Variants in TIAM2 observed in about 807,000 individuals in gnomAD.
TIAM2 encodes TIAM Rac1 associated GEF 2, also known as rho guanine nucleotide exchange factor TIAM2.
In TIAM2, 80 loss-of-function variants were observed where a neutral mutation model predicts 152.9. The ratio of observed to expected loss-of-function variants is 0.52; its 90% CI spans 0.44 to 0.63. The LOEUF (loss-of-function observed/expected upper bound fraction) is 0.63, where lower values mean the gene tolerates loss of function less well. Among genes scored for constraint, TIAM2 ranks in the 30% least tolerant of loss-of-function variants. TIAM2 has a pLI of 0.00. For missense variants in TIAM2, 1,965 were observed against 2,120.1 expected, an observed-to-expected ratio of 0.93 and a Z score of 1.44; for synonymous variants, 804 against 838.0, an observed-to-expected ratio of 0.96 and a Z score of 0.70.
At chr6:155,019,870 A>G (rs566319363) in intron 1 of TIAM2, among the ~76,000 whole-genome samples, 1 of 152,262 alleles carries the variant, frequency 6.6e-6, no homozygotes. Flanking sequence ...CTGGCCAACA[A>G]GGTAAAACCC....
rs750617540 is a variant in TIAM2, at chr6:155,247,996, G to A, written c.3653-4G>A. The A allele has an allele frequency of 3.1e-6, 5 of 1,613,218 alleles. No homozygotes were observed. The South Asian group carries it at 3.3e-5, about 11-fold the overall frequency. On this transcript the variant is annotated splice_region_variant and splice_polypyrimidine_tract_variant and intron_variant, in intron 19 of 26. Coordinates refer to ENST00000682666, the MANE Select transcript of TIAM2 (RefSeq NM_012454.4). Reference sequence around the variant, plus strand: ...TCTGAGGTCTTTTATCCATCTGCTTGTAGCTAAAACTGACAAAGCCTTCAA... The same window carrying A: ...TCTGAGGTCTTTTATCCATCTGCTTATAGCTAAAACTGACAAAGCCTTCAA...
intron 2 of TIAM2, among the ~76,000 whole-genome samples, chr6:155,091,565 A>C (rs1371047041): frequency 6.6e-6 from 1 of 152,216 alleles, no homozygotes; most frequent in African/African-American, 2.4e-5. Context: ...CATTATGATC[A>C]AATTTAACAT....
chr6:155,114,669 G>A (rs1044654642), intron 2 of TIAM2, among the ~76,000 whole-genome samples: 2 of 151,984 alleles, frequency 1.3e-5, no homozygotes, highest in African/African-American at 4.8e-5. Flanking sequence ...TAACTTAGAA[G>A]TTTAGTTTTT....
Position 155,189,616 on chromosome 6 carries a change from G to C in TIAM2, c.3064+6116G>C, listed in dbSNP as rs145240732. Among the ~76,000 whole-genome samples the C allele has an allele frequency of 9.0e-3, 1,369 of 152,124 alleles. 15 individuals are homozygous for C. Among genetic ancestry groups the C allele is most frequent in the African/African-American group, 0.031 (1,305 of 41,512 alleles). On this transcript the variant is annotated intron_variant, in intron 14 of 26. Transcript: ENST00000682666. The stretch of plus-strand genomic sequence containing the variant: ...TATTTATTCACTTGTGTATTTAACA[G>C]ATAACCTTTTGTTAAATGTCGAAGG...
intron 19 of TIAM2, 28 bp downstream of exon 19, chr6:155,245,759 T>TTG: frequency 6.9e-7 from 1 of 1,441,466 alleles, no homozygotes. Context: ...TTTATAGTTT[T>TTG]TTTTTTTTTT....
chr6:155,088,112 A>C (rs917242756), intron 1 of TIAM2, among the ~76,000 whole-genome samples: 1 of 147,464 alleles, frequency 6.8e-6, no homozygotes, highest in African/African-American at 2.5e-5. Flanking sequence ...CTGGAGTGCA[A>C]TGGCATGATC....
At chr6:155,215,753 G>C (rs1301899847) in intron 15 of TIAM2, among the ~76,000 whole-genome samples, 2 of 140,846 alleles carry the variant, frequency 1.4e-5, no homozygotes, top group South Asian at 4.5e-4. Context: ...TGGAAACATC[G>C]TGTTATATCT....
chr6:155,163,333 C>T (rs1780324867), intron 7 of TIAM2, among the ~76,000 whole-genome samples: 1 of 152,184 alleles, frequency 6.6e-6, no homozygotes, highest in South Asian at 2.1e-4. Context: ...TGCTGAGTCC[C>T]TGTGTTGGCA....
intron 22 of TIAM2, among the ~76,000 whole-genome samples, chr6:155,251,490 C>T (rs1219041435): frequency 6.6e-6 from 1 of 152,024 alleles, no homozygotes; most frequent in East Asian, 1.9e-4. Context: ...TTTCACCATG[C>T]TGGCCAGACT....
chr6:155,138,923 C>T (rs1476728932), intron 5 of TIAM2, among the ~76,000 whole-genome samples: 1 of 152,088 alleles, frequency 6.6e-6, no homozygotes, highest in Non-Finnish European at 1.5e-5. Context: ...TTTTTATAAG[C>T]ATTGCCATTT....
chr6:155,099,127 C>T (rs1420860405), intron 2 of TIAM2, among the ~76,000 whole-genome samples: 1 of 151,940 alleles, frequency 6.6e-6, no homozygotes, highest in East Asian at 1.9e-4. Context: ...TCAGAGGTTG[C>T]GGTGAGCCAA....
intron 1 of TIAM2, among the ~76,000 whole-genome samples, chr6:155,039,500 T>A (rs1776981286): frequency 3.9e-5 from 6 of 151,928 alleles, no homozygotes; most frequent in Admixed American, 3.9e-4. Context: ...AGAAGGTTCT[T>A]TGTCTGCACT....
intron 14 of TIAM2, among the ~76,000 whole-genome samples, chr6:155,190,069 G>A (rs573766719): frequency 7.2e-4 from 110 of 152,308 alleles, no homozygotes; most frequent in African/African-American, 2.6e-3. Context: ...AATTTATAAC[G>A]TATCGTTGCA....
At chr6:155,212,925 G>A (rs763278558) in intron 15 of TIAM2, among the ~76,000 whole-genome samples, 8 of 152,154 alleles carry the variant, frequency 5.3e-5, no homozygotes, top group Non-Finnish European at 1.0e-4. Flanking sequence ...GTGAAGCTAC[G>A]GCTGGATCAC....
Position 155,130,141 on chromosome 6 carries a change from C to T in TIAM2, c.918C>T (p.Ala306=). 6.2e-7 allele frequency: 1 copy of T among 1,614,160 alleles called. No homozygotes were observed. Among genetic ancestry groups the T allele is most frequent in the East Asian group, 2.2e-5 (1 of 44,876 alleles). ...CCCTCCGGGAACTGTACAAAGATGC[C>T]AACCTGGGGAGCCTCTCCCCCTCAG... is the stretch of plus-strand genomic sequence containing the variant. The part of the protein sequence containing the change: ...LSSLRELYKD[A]NLGSLSPSGI... Residue 306 remains alanine, a synonymous_variant, in exon 4 of 27, where the codon GCC becomes GCT. Transcript: ENST00000682666.
chr6:155,039,502 G>A (rs1051349161), intron 1 of TIAM2, among the ~76,000 whole-genome samples: 51 of 152,004 alleles, frequency 3.4e-4, no homozygotes, highest in Admixed American at 5.2e-4. Context: ...AAGGTTCTTT[G>A]TCTGCACTGA....
At chr6:155,111,204 TACACAGACACAGTAGTGAAC>T (rs1368217486) in intron 2 of TIAM2, among the ~76,000 whole-genome samples, 1 of 152,010 alleles carries the variant, frequency 6.6e-6, no homozygotes, top group Non-Finnish European at 1.5e-5. Flanking sequence ...GGAAGCTTTA[TACACAGACACAGTAGTGAAC>T]CGAGGAAACT....
chr6:155,177,207 A>C (rs1171295201), intron 10 of TIAM2, among the ~76,000 whole-genome samples: 2 of 152,242 alleles, frequency 1.3e-5, no homozygotes, highest in Non-Finnish European at 2.9e-5. Flanking sequence ...ACTTCCATGA[A>C]GAACCTGAGC....
At chr6:155,117,629 G>T (rs976189578) in intron 2 of TIAM2, among the ~76,000 whole-genome samples, 1 of 152,170 alleles carries the variant, frequency 6.6e-6, no homozygotes, top group African/African-American at 2.4e-5. Flanking sequence ...TTATAGTAAA[G>T]GCGGGGTTTC....
Sources: gnomAD v4.1 joint callset for allele counts (sites outside exome capture counted in the v4.1 genomes callset) on GRCh38, gnomAD v4.1.1 for gene constraint, MANE v1.5 for transcripts, NCBI Gene and HGNC (gene_info 2026-07-23, HGNC 2026-07-21) for gene names.